IMPDH1: variants seen among roughly 807,000 people sequenced by gnomAD.
IMPDH1 encodes inosine monophosphate dehydrogenase 1.
In IMPDH1, 41 loss-of-function variants were observed where a neutral mutation model predicts 73.5. The ratio of observed to expected loss-of-function variants is 0.56; its 90% CI spans 0.43 to 0.72. IMPDH1 has a LOEUF of 0.72. Ranked by LOEUF, IMPDH1 falls within the 30% of genes least tolerant of loss-of-function variation. The pLI is 0.00. For synonymous variants in IMPDH1, 318 were observed against 334.3 expected (o/e 0.95, Z 0.53); for missense variants, 645 against 824.8 (o/e 0.78, Z 2.67).
chr7:128,395,077 C>A (rs1797819051), intron 13 of IMPDH1, 44 bp from the exon 14 acceptor site: 2 of 1,499,218 alleles, frequency 1.3e-6, no homozygotes, highest in South Asian at 2.9e-5. Context: ...ACTAGTGCCA[C>A]CCCCCCAGCT....
At chr7:128,402,673 C>A (rs1320808900) in intron 5 of IMPDH1, among the ~76,000 whole-genome samples, 2 of 151,356 alleles carry the variant, frequency 1.3e-5, no homozygotes, top group Middle Eastern at 3.4e-3. Flanking sequence ...AGAATCAGAC[C>A]AGAATAAATA....
chr7:128,409,397 AG>A, intron 2 of IMPDH1, 43 bp downstream of exon 2: 1 of 1,614,166 alleles, frequency 6.2e-7, no homozygotes, highest in Non-Finnish European at 8.5e-7. Flanking sequence ...TCAGTCGGAC[AG>A]GACTCCAGCA....
rs4731447 is a variant in IMPDH1 at position 128,394,713 on chromosome 7, A to C, written c.1551-114T>G. ...AGGAAGGTCCCCCAGGCCACCCCTC[A>C]CTGGGCTGAGTCAGATGGCCCAGGG... On this transcript the variant is annotated intron_variant, in intron 14 of 16. Transcript: ENST00000338791. The surrounding 1 kb of genome is among the most constrained non-coding windows in gnomAD (Gnocchi z 5.5). The C allele has an allele frequency of 0.072, 103,903 of 1,444,702 alleles. 6,695 individuals carry two copies. The highest frequency in any genetic ancestry group is 0.28 in the East Asian group (12,119 of 43,074). The allele number at this position is 1,444,702 out of a possible 1,614,324, so 89.5% of individuals were successfully genotyped here. A position where few individuals can be genotyped will look rare whatever the true frequency, so the allele number is the denominator to read the frequency against.
chr7:128,408,661 T>G (rs1798936105), intron 3 of IMPDH1, among the ~76,000 whole-genome samples: 1 of 152,142 alleles, frequency 6.6e-6, no homozygotes, highest in Non-Finnish European at 1.5e-5. Flanking sequence ...CGGCCTGAGC[T>G]CTGAAACATT....
At chr7:128,395,085 G>C in intron 13 of IMPDH1, 46 bp downstream of exon 13, 1 of 1,613,750 alleles carries the variant, frequency 6.2e-7, no homozygotes, top group Admixed American at 1.7e-5. Context: ...CACCCCCCCA[G>C]CTTCCAGCCC....
chr7:128,409,198 G>A (rs974445516), intron 3 of IMPDH1, 91 bp downstream of exon 3: 1 of 1,154,476 alleles, frequency 8.7e-7, no homozygotes. Flanking sequence ...CCCCAGCATG[G>A]GGGCCTGCGT....
intron 5 of IMPDH1, among the ~76,000 whole-genome samples, chr7:128,402,979 A>C (rs1798443935): frequency 6.6e-6 from 1 of 152,180 alleles, no homozygotes; most frequent in African/African-American, 2.4e-5. Context: ...TCAAATCTCC[A>C]TAATTTCACT....
rs1293987103 is a variant in IMPDH1, at chr7:128,398,257, C to T, written c.1074+157G>A. Among the ~76,000 whole-genome samples the T allele has an allele frequency of 1.3e-5, 2 of 152,146 alleles. No individual in the cohort carries two copies. The highest frequency in any genetic ancestry group is 4.8e-5 in the African/African-American group (2 of 41,418). ...CTGAGCTCAGGCAATCCTGCTGCCA[C>T]CCTCCTAATTCTGACACCAGGGAGC... is the stretch of plus-strand genomic sequence containing the variant. On this transcript the variant is annotated intron_variant, in intron 10 of 16. Coordinates refer to ENST00000338791, the MANE Select transcript of IMPDH1 (RefSeq NM_000883.4). The surrounding 1 kb of genome is among the most constrained non-coding windows in gnomAD (Gnocchi z 4.3).
At chr7:128,404,696 T>G (rs1256389654) in intron 4 of IMPDH1, among the ~76,000 whole-genome samples, 3 of 152,094 alleles carry the variant, frequency 2.0e-5, no homozygotes, top group Non-Finnish European at 4.4e-5. Flanking sequence ...GGTGTTCTCC[T>G]AGAAGACTTC....
chr7:128,403,710 T>G lies in IMPDH1; in HGVS notation c.398A>C (p.Glu133Ala). Residue 133 changes from glutamate to alanine, a missense_variant, in exon 5 of 17, where the codon GAG becomes GCG. Transcript: ENST00000338791. ...GTCAAAGGAAGAGGTACTCACCACC[T>G]CATCAGCTATGAAGTCTATGAATCC... ...LPGFIDFIAD[E>A]VDLTSALTRK... is the part of the protein sequence containing the mutation. 6.2e-7 allele frequency: 1 copy of G among 1,613,710 alleles called. No homozygotes were observed. Among genetic ancestry groups the G allele is most frequent in the South Asian group, 1.1e-5 (1 of 91,066 alleles).
chr7:128,409,518 C>G lies in IMPDH1; in HGVS notation c.147-34G>C, dbSNP rs117081848. 18 of 1,612,052 alleles carry G rather than the reference C, an allele frequency of 1.1e-5. No homozygotes were observed. The East Asian group carries it at 4.0e-4, about 36-fold the overall frequency. On this transcript the variant is annotated intron_variant, in intron 1 of 16. Transcript: ENST00000338791. ...TTAGGGAAGGTTTTTACGACCTGTT[C>G]CCTCTCCTCCGCTCCCCCGTGCAAC...
intron 9 of IMPDH1, among the ~76,000 whole-genome samples, chr7:128,399,664 G>A (rs1312377406): frequency 1.3e-5 from 2 of 151,944 alleles, no homozygotes; most frequent in Admixed American, 1.3e-4. Context: ...TCCAGCCTGG[G>A]TGAGAAAGTG....
chr7:128,403,727 T>A lies in IMPDH1; in HGVS notation c.381A>T (p.Ile127=). The A allele has an allele frequency of 6.2e-7, 1 of 1,614,030 alleles. No individual in the cohort carries two copies. The highest frequency in any genetic ancestry group is 8.5e-7 in the Non-Finnish European group (1 of 1,179,886). ...YNDFLILPGF[I]DFIADEVDLT... Reference sequence around the variant, plus strand: ...TCACCACCTCATCAGCTATGAAGTCTATGAATCCTGGGAGAATCAGGAAGT... The same window carrying A: ...TCACCACCTCATCAGCTATGAAGTCAATGAATCCTGGGAGAATCAGGAAGT... Residue 127 remains isoleucine (I), a synonymous_variant, in exon 5 of 17, where the codon ATA becomes ATT. Coordinates refer to ENST00000338791, the MANE Select transcript of IMPDH1 (RefSeq NM_000883.4).
Position 128,396,332 on chromosome 7 carries a change from C to T in IMPDH1, c.1261+268G>A, listed in dbSNP as rs532676447. 2.8e-4 allele frequency among the ~76,000 whole-genome samples: 43 copies of T among 152,194 alleles called. No individual in the cohort carries two copies. Among genetic ancestry groups the T allele is most frequent in the Non-Finnish European group, 5.1e-4 (35 of 68,026 alleles). On this transcript the variant is annotated intron_variant, in intron 12 of 16. Transcript: ENST00000338791. This position sits in a 1 kb window ranked among gnomAD's most constrained non-coding sequence, Gnocchi z 4.0. The stretch of plus-strand genomic sequence containing the variant: ...CCAAACCCTGAGGTTCCAACAAGCC[C>T]CATGGACAGTCACACCAGCCCCAGG...
Position 128,392,745 on chromosome 7 carries a change from A to AGGC in IMPDH1, c.*259_*261dup. 1.9e-6 allele frequency: 1 copy of AGGC among 513,158 alleles called. No homozygotes were observed. The highest frequency in any genetic ancestry group is 1.9e-5 in the African/African-American group (1 of 51,716). The allele number at this position is 513,158 out of a possible 1,614,324, so 31.8% of individuals were successfully genotyped here. A position where few individuals can be genotyped will look rare whatever the true frequency, so the allele number is the denominator to read the frequency against. ...GGCTGCAGCAAGAAAGACCTGAGGC[A>AGGC]GGCGCAGGGCCTGAGAGCCTGGCTG... On this transcript the variant is annotated 3_prime_UTR_variant, in exon 17 of 17. Transcript: ENST00000338791.
In IMPDH1 at chr7:128,409,408, A is replaced by G. The variant is rs779341405; in HGVS notation, c.190+33T>C. The G allele has an allele frequency of 3.1e-6, 5 of 1,614,112 alleles. No individual in the cohort carries two copies. In the South Asian group the frequency reaches 3.3e-5, roughly 11 times the overall value. Reference sequence around the variant, plus strand: ...CAAGTCAGTCGGACAGGACTCCAGCAAGCACTGTTTGAACCCCAGGAGTTG... The same window carrying G: ...CAAGTCAGTCGGACAGGACTCCAGCGAGCACTGTTTGAACCCCAGGAGTTG... On this transcript the variant is annotated intron_variant, in intron 2 of 16. Coordinates refer to ENST00000338791, the MANE Select transcript of IMPDH1 (RefSeq NM_000883.4).
chr7:128,394,794 TG>T lies in IMPDH1; in HGVS notation c.1550+94del. The T allele has an allele frequency of 6.6e-7, 1 of 1,511,950 alleles. No individual in the cohort carries two copies. Among genetic ancestry groups the T allele is most frequent in the Non-Finnish European group, 9.1e-7 (1 of 1,096,220 alleles). 93.7% of individuals were successfully genotyped at this position (1,511,950 alleles called of 1,614,324 possible). A position where few individuals can be genotyped will look rare whatever the true frequency, so the allele number is the denominator to read the frequency against. ...TGCCTCAGTTTCCAGAACCACCATA[TG>T]GGGACTGGCTGCCATCTGGGGAAGT... On this transcript the variant is annotated intron_variant, in intron 14 of 16. Transcript: ENST00000338791. This position sits in a 1 kb window ranked among gnomAD's most constrained non-coding sequence, Gnocchi z 5.5.
rs1382287119 is a variant in IMPDH1, at chr7:128,397,036, C to T, written c.1075-14G>A. 5.1e-5 allele frequency: 81 copies of T among 1,599,926 alleles called. No homozygotes were observed. Among genetic ancestry groups the T allele is most frequent in the South Asian group, 4.6e-4 (42 of 90,838 alleles). Reference sequence around the variant, plus strand: ...TTGGGACGAGTCCTGTGAGAAAGGACGGAAGAGCTTGGGCTTAGACAGCTG... The same window carrying T: ...TTGGGACGAGTCCTGTGAGAAAGGATGGAAGAGCTTGGGCTTAGACAGCTG... On this transcript the variant is annotated splice_polypyrimidine_tract_variant and intron_variant, in intron 10 of 16. Transcript: ENST00000338791.
intron 10 of IMPDH1, among the ~76,000 whole-genome samples, chr7:128,397,640 C>T (rs1287281910): frequency 1.3e-5 from 2 of 152,148 alleles, no homozygotes; most frequent in Non-Finnish European, 2.9e-5. Flanking sequence ...CCAGATCACT[C>T]ACAAGGGATC....
Sources: allele counts gnomAD v4.1 joint callset (sites outside exome capture counted in the v4.1 genomes callset), GRCh38; gene constraint gnomAD v4.1.1; non-coding constraint Gnocchi (gnomAD v3.1); transcripts MANE v1.5; gene names NCBI Gene and HGNC (gene_info 2026-07-23, HGNC 2026-07-21).